MMS22L: variants seen among roughly 807,000 people sequenced by gnomAD.
MMS22L encodes the protein MMS22 like, DNA repair protein.
A neutral mutation model predicts 159.1 loss-of-function variants in MMS22L; 74 were observed. The observed-to-expected ratio is 0.47, with a 90% CI of 0.39 to 0.56. The LOEUF (loss-of-function observed/expected upper bound fraction) is 0.56. Ranked by LOEUF, MMS22L falls within the 20% of genes least tolerant of loss-of-function variation. The pLI, the probability that MMS22L is intolerant of heterozygous loss-of-function variation, is 0.00. For synonymous variants in MMS22L, 517 were observed against 506.9 expected (o/e 1.02, Z -0.27); for missense variants, 1,351 against 1,422.1 (o/e 0.95, Z 0.80).
chr6:97,262,734 A>G (rs1814632218), intron 9 of MMS22L, among the ~76,000 whole-genome samples: 1 of 152,104 alleles, frequency 6.6e-6, no homozygotes, highest in Non-Finnish European at 1.5e-5. Flanking sequence ...AATCCATGAA[A>G]AATCAAAAGT....
At chr6:97,206,160 C>A (rs574480996) in intron 14 of MMS22L, among the ~76,000 whole-genome samples, 19 of 152,260 alleles carry the variant, frequency 1.2e-4, no homozygotes, top group East Asian at 5.8e-4. Context: ...CTCCAAAATC[C>A]TGTGTAGCTG....
Position 97,228,607 on chromosome 6 carries a change from T to A in MMS22L, c.2039+287A>T, listed in dbSNP as rs190902273. ...ACTGAATTTTATGTTTAGACTTGGG[T>A]CCCCTCCTCAAAATATCTCATTATG... On this transcript the variant is annotated intron_variant, in intron 14 of 24. Coordinates refer to ENST00000683635, the MANE Select transcript of MMS22L (RefSeq NM_001350599.2). 2.0e-5 allele frequency among the ~76,000 whole-genome samples: 3 copies of A among 152,224 alleles called. No individual in the cohort carries two copies. The East Asian group carries it at 5.8e-4, about 29-fold the overall frequency.
At chr6:97,276,568 T>A (rs987539690) in intron 4 of MMS22L, among the ~76,000 whole-genome samples, 8 of 152,324 alleles carry the variant, frequency 5.3e-5, no homozygotes, top group East Asian at 1.9e-4. Flanking sequence ...CCTTCCAAAT[T>A]CATCACTCAC....
intron 14 of MMS22L, among the ~76,000 whole-genome samples, chr6:97,206,295 G>A (rs1807775283): frequency 6.7e-6 from 1 of 149,096 alleles, no homozygotes. Context: ...CTTTCAAGAA[G>A]CACAATTTAT....
chr6:97,237,920 C>G (rs1811583789), intron 11 of MMS22L, among the ~76,000 whole-genome samples: 1 of 152,130 alleles, frequency 6.6e-6, no homozygotes, highest in Non-Finnish European at 1.5e-5. Flanking sequence ...TATCAAAGTT[C>G]ACACTGAAGG....
In MMS22L at chr6:97,187,628, T is replaced by C. The variant is rs192961470; in HGVS notation, c.2040-938A>G. ...AGCAAAAAATAACCAATGGAAATTA[T>C]GGAGAAGACTTCCTTTAATAGAGAT... On this transcript the variant is annotated intron_variant, in intron 14 of 24. Transcript: ENST00000683635. 3.6e-3 allele frequency among the ~76,000 whole-genome samples: 548 copies of C among 152,282 alleles called. 8 individuals are homozygous for C. The highest frequency in any genetic ancestry group is 7.5e-3 in the South Asian group (36 of 4,824).
chr6:97,216,937 C>T (rs1809078200), intron 14 of MMS22L, among the ~76,000 whole-genome samples: 1 of 152,138 alleles, frequency 6.6e-6, no homozygotes, highest in Non-Finnish European at 1.5e-5. Flanking sequence ...TGAATTGATC[C>T]ACTTTCAAAG....
intron 8 of MMS22L, 67 bp downstream of exon 8, chr6:97,267,805 A>G: frequency 7.5e-7 from 1 of 1,334,488 alleles, no homozygotes; most frequent in Non-Finnish European, 9.8e-7. Context: ...CTTACAGATT[A>G]AACGACATGC....
chr6:97,249,446 G>A (rs1813007508), intron 10 of MMS22L, among the ~76,000 whole-genome samples: 1 of 152,104 alleles, frequency 6.6e-6, no homozygotes, highest in Non-Finnish European at 1.5e-5. Flanking sequence ...CTTGCAACTG[G>A]TGTCAGAAGT....
chr6:97,267,412 T>A (rs6901692), intron 8 of MMS22L: 1 of 152,126 alleles, frequency 6.6e-6, no homozygotes, highest in Admixed American at 6.5e-5. Context: ...TAAAAACACA[T>A]AATTTTACCC....
At chr6:97,273,246 C>T (rs1815933167) in intron 4 of MMS22L, 184 bp from the exon 5 acceptor site, 1 of 583,630 alleles carries the variant, frequency 1.7e-6, no homozygotes, top group Non-Finnish European at 3.0e-6. Context: ...ACCAATCACA[C>T]CCACATTGCC....
At chr6:97,249,209 G>A (rs1031506218) in intron 10 of MMS22L, among the ~76,000 whole-genome samples, 5 of 152,156 alleles carry the variant, frequency 3.3e-5, no homozygotes, top group African/African-American at 1.2e-4. Flanking sequence ...AACACTCCCT[G>A]CATACTGTCA....
chr6:97,156,457 C>T (rs1337373859), intron 22 of MMS22L, among the ~76,000 whole-genome samples: 2 of 152,110 alleles, frequency 1.3e-5, no homozygotes, highest in African/African-American at 2.4e-5. Context: ...TTAGGTCTTA[C>T]GTTTAAGTCT....
intron 10 of MMS22L, among the ~76,000 whole-genome samples, chr6:97,247,745 G>A (rs1198764374): frequency 1.3e-5 from 2 of 151,840 alleles, no homozygotes; most frequent in African/African-American, 4.8e-5. Context: ...GTAATCATAA[G>A]ACCTCAAAAA....
intron 14 of MMS22L, among the ~76,000 whole-genome samples, chr6:97,201,627 G>A (rs561352447): frequency 1.4e-4 from 21 of 152,302 alleles, no homozygotes; most frequent in African/African-American, 3.1e-4. Context: ...CTGTAAAACC[G>A]TGAATGTAAT....
intron 3 of MMS22L, among the ~76,000 whole-genome samples, chr6:97,280,081 C>T (rs1412862898): frequency 6.6e-6 from 1 of 152,140 alleles, no homozygotes; most frequent in Non-Finnish European, 1.5e-5. Context: ...GAGGATCACT[C>T]ACTGAGCCTG....
chr6:97,146,770 C>T lies in MMS22L; in HGVS notation c.*36G>A. The T allele has an allele frequency of 1.5e-6, 2 of 1,337,246 alleles. No individual in the cohort carries two copies. The highest frequency in any genetic ancestry group is 2.1e-6 in the Non-Finnish European group (2 of 957,398). The allele number at this position is 1,337,246 out of a possible 1,614,324, so 82.8% of individuals were successfully genotyped here. ...GAGTGGAACAATGTGGCTTTAGATA[C>T]TGATAATTAATAGACAGGATGAATC... On this transcript the variant is annotated 3_prime_UTR_variant, in exon 25 of 25. Transcript: ENST00000683635.
intron 15 of MMS22L, among the ~76,000 whole-genome samples, chr6:97,184,510 A>G (rs1232622730): frequency 2.0e-5 from 3 of 152,104 alleles, no homozygotes; most frequent in Non-Finnish European, 4.4e-5. Context: ...AAAATTACCA[A>G]AAATGTTAAT....
intron 11 of MMS22L, among the ~76,000 whole-genome samples, chr6:97,234,737 AGCAAAGTAATGTG>A (rs1811219523): frequency 6.6e-6 from 1 of 152,236 alleles, no homozygotes; most frequent in Admixed American, 6.5e-5. Flanking sequence ...AATGAAACAA[AGCAAAGTAATGTG>A]GCAAAGTAAT....
Sources: gnomAD v4.1 joint callset for allele counts (sites outside exome capture counted in the v4.1 genomes callset) on GRCh38, gnomAD v4.1.1 for gene constraint, MANE v1.5 for transcripts, NCBI Gene and HGNC (gene_info 2026-07-23, HGNC 2026-07-21) for gene names.